GRAMD1B: variants seen among roughly 807,000 people sequenced by gnomAD.
GRAMD1B encodes protein Aster-B.
A neutral mutation model predicts 99.7 loss-of-function variants in GRAMD1B; 37 were observed. The observed-to-expected ratio is 0.37, with a 90% CI of 0.29 to 0.49. GRAMD1B has a LOEUF of 0.49. GRAMD1B is among the 20% of genes least tolerant of loss of function. The probability of loss-of-function intolerance (pLI) is 0.98; values close to 1 mark genes in which losing one functional copy is unlikely to be tolerated. For missense variants in GRAMD1B, 888 were observed against 1,009.2 expected (o/e 0.88, Z 1.63); for synonymous variants, 427 against 387.6 (o/e 1.10, Z -1.19).
chr11:123,397,249 C>T (rs1947498046), intron 1 of GRAMD1B, among the ~76,000 whole-genome samples: 7 of 151,718 alleles, frequency 4.6e-5, no homozygotes, highest in Admixed American at 4.6e-4. Flanking sequence ...ACTAAAAATA[C>T]AAAAAAAAGT....
Position 123,605,387 on chromosome 11 carries a change from A to G in GRAMD1B, c.1232A>G (p.Glu411Gly), listed in dbSNP as rs1952575992. 6.2e-7 allele frequency: 1 copy of G among 1,613,132 alleles called. No individual in the cohort carries two copies. Among genetic ancestry groups the G allele is most frequent in the Non-Finnish European group, 8.5e-7 (1 of 1,179,348 alleles). Reference sequence around the variant, plus strand: ...GACAGCTCATCCAAGAGCAGCATAGAGACCAAGCCAGATGCCAGTCCACAG... The same window carrying G: ...GACAGCTCATCCAAGAGCAGCATAGGGACCAAGCCAGATGCCAGTCCACAG... Reference protein sequence around the residue: ...VNDSSSKSSIETKPDASPQLP... With the variant: ...VNDSSSKSSIGTKPDASPQLP... The change falls in exon 10 of 20, where the codon GAG (glutamate) becomes GGG (glycine). Residue 411 changes from glutamate to glycine, a missense_variant. Coordinates refer to ENST00000635736, the MANE Select transcript of GRAMD1B (RefSeq NM_001387025.1).
chr11:123,542,240 A>G (rs1257869391), intron 2 of GRAMD1B, among the ~76,000 whole-genome samples: 2 of 152,260 alleles, frequency 1.3e-5, no homozygotes, highest in Non-Finnish European at 2.9e-5. Flanking sequence ...GGATGGTGGC[A>G]TGAACAGTGA....
chr11:123,548,325 TAC>T (rs138083511), intron 2 of GRAMD1B, among the ~76,000 whole-genome samples: 145 of 86,842 alleles, frequency 1.7e-3, no homozygotes, highest in Middle Eastern at 6.9e-3. Flanking sequence ...TATATATATA[TAC>T]ACACACACAC....
At chr11:123,363,589 T>G (rs925101028) in intron 1 of GRAMD1B, among the ~76,000 whole-genome samples, 109 of 152,142 alleles carry the variant, frequency 7.2e-4, no homozygotes, top group African/African-American at 2.5e-3. Flanking sequence ...TGTTTGTTTT[T>G]TTTTGGCACT....
intron 1 of GRAMD1B, among the ~76,000 whole-genome samples, chr11:123,479,948 G>A (rs1172468025): frequency 6.6e-6 from 1 of 151,990 alleles, no homozygotes; most frequent in African/African-American, 2.4e-5. Context: ...AAAAACACGT[G>A]GCTCTAGATT....
chr11:123,422,693 G>A (rs571176630), intron 1 of GRAMD1B, among the ~76,000 whole-genome samples: 10 of 152,256 alleles, frequency 6.6e-5, no homozygotes, highest in African/African-American at 1.2e-4. Context: ...GCCGAGAAGC[G>A]ATCAAACCAT....
chr11:123,484,664 G>C (rs1565290002), intron 2 of GRAMD1B, among the ~76,000 whole-genome samples: 1 of 151,912 alleles, frequency 6.6e-6, no homozygotes, highest in African/African-American at 2.4e-5. Context: ...CCTGTGACCG[G>C]CCCCCCCTCC....
At chr11:123,613,840 C>G (rs1367524988) in intron 16 of GRAMD1B, among the ~76,000 whole-genome samples, 182 bp downstream of exon 16, 1 of 152,220 alleles carries the variant, frequency 6.6e-6, no homozygotes, top group Admixed American at 6.5e-5. Flanking sequence ...TTAAGTTCCT[C>G]AGCCCCAGCT....
At position 123,489,329 on chromosome 11, in the gene GRAMD1B, G is replaced by T. The variant is rs147584599; in HGVS notation, c.452+8436G>T. Among the ~76,000 whole-genome samples, 723 of 152,240 alleles carry T rather than the reference G, an allele frequency of 4.7e-3. 6 individuals are homozygous for T. The highest frequency in any genetic ancestry group is 0.015 in the African/African-American group (635 of 41,540). On this transcript the variant is annotated intron_variant, in intron 2 of 19. Transcript: ENST00000635736. ...AGTGGATAGAAACACTAGGCCATTG[G>T]CTACACCGTTTGAAGCTCAGGGGAC...
intron 1 of GRAMD1B, among the ~76,000 whole-genome samples, chr11:123,369,644 G>C (rs147680596): frequency 6.6e-6 from 1 of 152,142 alleles, no homozygotes. Flanking sequence ...GGCCGAGGTG[G>C]GTGGATTGCT....
chr11:123,466,468 GAAA>G (rs1565522601), intron 1 of GRAMD1B, among the ~76,000 whole-genome samples: 1 of 145,152 alleles, frequency 6.9e-6, no homozygotes, highest in East Asian at 1.9e-4. Context: ...AAGAAAGAAA[GAAA>G]AGAAAGAAAG....
chr11:123,476,812 A>C (rs965724619), intron 1 of GRAMD1B, among the ~76,000 whole-genome samples: 3 of 152,104 alleles, frequency 2.0e-5, no homozygotes, highest in Non-Finnish European at 4.4e-5. Context: ...TCTTGAGTCT[A>C]TCCAGTTTTA....
chr11:123,593,976 C>T, intron 4 of GRAMD1B, 106 bp from the exon 5 acceptor site: 2 of 778,272 alleles, frequency 2.6e-6, no homozygotes, highest in South Asian at 3.0e-5. Flanking sequence ...GGCAGAGCCT[C>T]ATCTTTGCTT....
chr11:123,359,550 G>A (rs1312472754), intron 1 of GRAMD1B, among the ~76,000 whole-genome samples: 1 of 151,964 alleles, frequency 6.6e-6, no homozygotes, highest in African/African-American at 2.4e-5. Flanking sequence ...TCCTCAAAAA[G>A]TTCCTCAGCA....
intron 1 of GRAMD1B, among the ~76,000 whole-genome samples, chr11:123,451,295 C>T (rs973914715): frequency 2.0e-5 from 3 of 152,192 alleles, no homozygotes; most frequent in Admixed American, 2.0e-4. Flanking sequence ...AATCTATTAC[C>T]TCATTTGTTC....
chr11:123,410,782 A>G (rs866995493), intron 1 of GRAMD1B, among the ~76,000 whole-genome samples: 2 of 152,170 alleles, frequency 1.3e-5, no homozygotes, highest in African/African-American at 4.8e-5. Context: ...GAGAGCAGAC[A>G]GTGTGTCATT....
intron 1 of GRAMD1B, among the ~76,000 whole-genome samples, chr11:123,371,210 G>A (rs763930947): frequency 2.6e-5 from 4 of 151,948 alleles, no homozygotes; most frequent in Non-Finnish European, 5.9e-5. Context: ...TTGTTGAGAG[G>A]GTGACTGAGA....
chr11:123,610,039 T>G lies in GRAMD1B; in HGVS notation c.1776+126T>G. On this transcript the variant is annotated intron_variant, in intron 13 of 19. Transcript: ENST00000635736. This position sits in a 1 kb window ranked among gnomAD's most constrained non-coding sequence, Gnocchi z 4.1. The stretch of plus-strand genomic sequence containing the variant: ...GTGTCATTTTGCCCCAAAGCGGTGG[T>G]GGCGTCTTGCTTGTTTAGTTGCTGC... 1.2e-6 allele frequency: 1 copy of G among 810,560 alleles called. No individual in the cohort carries two copies. The highest frequency in any genetic ancestry group is 2.0e-6 in the Non-Finnish European group (1 of 498,326). The allele number at this position is 810,560 out of a possible 1,614,324, so 50.2% of individuals were successfully genotyped here.
intron 2 of GRAMD1B, among the ~76,000 whole-genome samples, chr11:123,561,221 G>T (rs1434696437): frequency 1.3e-5 from 2 of 152,198 alleles, no homozygotes; most frequent in Non-Finnish European, 2.9e-5. Context: ...GAGAGCTTCT[G>T]GGGGAGGTGT....
Sources: gnomAD v4.1 joint callset for allele counts (sites outside exome capture counted in the v4.1 genomes callset) on GRCh38, gnomAD v4.1.1 for gene constraint, Gnocchi (gnomAD v3.1) non-coding constraint, MANE v1.5 for transcripts, NCBI Gene and HGNC (gene_info 2026-07-23, HGNC 2026-07-21) for gene names.